ZMYM1: variants seen among roughly 807,000 people sequenced by gnomAD.
The protein encoded by ZMYM1 is zinc finger MYM-type containing 1, also known as zinc finger MYM-type protein 1.
Under a neutral mutation model 60.0 loss-of-function variants are expected in ZMYM1, and 39 were observed. The observed-to-expected ratio is 0.65, with a 90% CI of 0.50 to 0.85. The LOEUF (loss-of-function observed/expected upper bound fraction) is 0.85, where lower values mean the gene tolerates loss of function less well. Among genes scored for constraint, ZMYM1 ranks in the 40% least tolerant of loss-of-function variants. The pLI is 0.00. For missense variants in ZMYM1, 1,171 were observed against 1,309.5 expected, an observed-to-expected ratio of 0.89 and a Z score of 1.63; for synonymous variants, 413 against 454.0, an observed-to-expected ratio of 0.91 and a Z score of 1.15.
At chr1:35,091,874 C>A (rs1219272369) in intron 1 of ZMYM1, among the ~76,000 whole-genome samples, 3 of 114,924 alleles carry the variant, frequency 2.6e-5, no homozygotes, top group African/African-American at 1.0e-4. Context: ...AGTGACAGAG[C>A]GAGATCTTGT....
chr1:35,105,881 A>G (rs926104017), intron 6 of ZMYM1, among the ~76,000 whole-genome samples: 1 of 152,192 alleles, frequency 6.6e-6, no homozygotes, highest in African/African-American at 2.4e-5. Flanking sequence ...TGCTGGGATT[A>G]CAGATGTGAG....
At chr1:35,090,745 G>A (rs1278383601) in intron 1 of ZMYM1, among the ~76,000 whole-genome samples, 2 of 152,020 alleles carry the variant, frequency 1.3e-5, no homozygotes, top group African/African-American at 4.8e-5. Flanking sequence ...TTGGGAGTTC[G>A]AGACCAGCCT....
chr1:35,075,520 G>A (rs1351854528), upstream of ZMYM1, among the ~76,000 whole-genome samples: 1 of 151,972 alleles, frequency 6.6e-6, no homozygotes, highest in Non-Finnish European at 1.5e-5. Flanking sequence ...TCCCCTCCAA[G>A]AGGATATGCC....
chr1:35,113,660 C>G lies in ZMYM1; in HGVS notation c.1830C>G (p.Asp610Glu), dbSNP rs781078718. Residue 610 changes from aspartate to glutamate, a missense_variant, in exon 10 of 10, where the codon GAC becomes GAG. By Grantham distance (45) the Asp-to-Glu change is conservative. Transcript: ENST00000359858. ...TTCGACTTATGAATTCACAAGTTGA[C>G]TTCTATAACAGTACACAAATTCAAA... is the stretch of plus-strand genomic sequence containing the variant. ...ETFRLMNSQV[D>E]FYNSTQIQSD... 1.2e-6 allele frequency: 2 copies of G among 1,613,010 alleles called. No individual in the cohort carries two copies. Among genetic ancestry groups the G allele is most frequent in the African/African-American group, 1.3e-5 (1 of 74,966 alleles).
intron 4 of ZMYM1, among the ~76,000 whole-genome samples, chr1:35,099,426 T>A (rs1643518440): frequency 6.6e-6 from 1 of 152,184 alleles, no homozygotes; most frequent in Non-Finnish European, 1.5e-5. Flanking sequence ...TGAAAAAGGC[T>A]GAAGCAGGAA....
intron 1 of ZMYM1, among the ~76,000 whole-genome samples, chr1:35,088,387 C>G (rs1642774441): frequency 6.8e-6 from 1 of 146,892 alleles, no homozygotes; most frequent in Non-Finnish European, 1.5e-5. Context: ...CGCTGCACTC[C>G]AGCATGGGCA....
At position 35,093,963 on chromosome 1, in the gene ZMYM1, G is replaced by T; in HGVS notation, c.-25G>T. The T allele has an allele frequency of 8.4e-6, 13 of 1,550,896 alleles. No individual in the cohort carries two copies. Among genetic ancestry groups the T allele is most frequent in the Non-Finnish European group, 9.6e-6 (11 of 1,140,802 alleles). Reference sequence around the variant, plus strand: ...AGAAACCCATTAGTTTGGAACTGGAGAATTCCTTTGCATCAGATACTAAAA... The same window carrying T: ...AGAAACCCATTAGTTTGGAACTGGATAATTCCTTTGCATCAGATACTAAAA... On this transcript the variant is annotated 5_prime_UTR_variant, in exon 2 of 10. Coordinates refer to ENST00000359858, the MANE Select transcript of ZMYM1 (RefSeq NM_024772.5).
In ZMYM1 at chr1:35,115,372, C is replaced by A; in HGVS notation, c.*113C>A. ...AACGATAAACAGTGAAGTCTCCTTCCCTCCTTTAGAACTCATTTTCTCTTC... is the reference window on the plus strand; with the variant it reads ...AACGATAAACAGTGAAGTCTCCTTCACTCCTTTAGAACTCATTTTCTCTTC... On this transcript the variant is annotated 3_prime_UTR_variant, in exon 10 of 10. Transcript: ENST00000359858. 1 of 1,246,974 alleles carries A rather than the reference C, an allele frequency of 8.0e-7. No homozygotes were observed. The highest frequency in any genetic ancestry group is 1.1e-6 in the Non-Finnish European group (1 of 929,602). 77.2% of individuals were successfully genotyped at this position (1,246,974 alleles called of 1,614,324 possible).
chr1:35,104,861 G>C (rs1569997131), intron 6 of ZMYM1, 92 bp downstream of exon 6: 1 of 1,013,198 alleles, frequency 9.9e-7, no homozygotes. Flanking sequence ...GGTACCCTTT[G>C]GAATAATGTC....
chr1:35,104,230 A>C (rs1643803223), intron 4 of ZMYM1, 65 bp from the exon 5 acceptor site: 13 of 1,366,804 alleles, frequency 9.5e-6, no homozygotes, highest in East Asian at 2.4e-5. Flanking sequence ...AGGTCATTTC[A>C]TTTATAAAGA....
downstream of ZMYM1, among the ~76,000 whole-genome samples, chr1:35,118,256 A>G (rs957392653): frequency 1.6e-4 from 24 of 151,880 alleles, no homozygotes; most frequent in African/African-American, 5.3e-4. Context: ...AAAAAAAAAA[A>G]AAAGAAAATA....
intron 6 of ZMYM1, among the ~76,000 whole-genome samples, chr1:35,105,679 C>T (rs187248070): frequency 1.3e-5 from 2 of 152,048 alleles, no homozygotes; most frequent in Non-Finnish European, 2.9e-5. Flanking sequence ...AATCATGGCT[C>T]ACTGTAGCCT....
intron 1 of ZMYM1, among the ~76,000 whole-genome samples, chr1:35,087,515 C>T (rs1405447058): frequency 6.6e-6 from 1 of 151,780 alleles, no homozygotes; most frequent in African/African-American, 2.4e-5. Context: ...CAACCTCTGC[C>T]TCCTGGGTGC....
chr1:35,084,279 A>G (rs1642543521), intron 1 of ZMYM1, among the ~76,000 whole-genome samples: 1 of 152,082 alleles, frequency 6.6e-6, no homozygotes. Flanking sequence ...GACAAGAACA[A>G]TATCTGAGTC....
At chr1:35,116,126 T>G (rs567341767), downstream of ZMYM1, among the ~76,000 whole-genome samples, 8 of 152,188 alleles carry the variant, frequency 5.3e-5, no homozygotes, top group East Asian at 1.5e-3. Context: ...TCCCAGCTAC[T>G]TGGGAGGCTG....
chr1:35,085,018 G>C (rs1642580740), intron 1 of ZMYM1, among the ~76,000 whole-genome samples: 3 of 151,974 alleles, frequency 2.0e-5, no homozygotes, highest in African/African-American at 7.2e-5. Context: ...ACTCTGTTAT[G>C]CCTGGATTTA....
chr1:35,066,512 T>C (rs191889201), intron 1 of ZMYM1, among the ~76,000 whole-genome samples: 1 of 152,298 alleles, frequency 6.6e-6, no homozygotes, highest in Non-Finnish European at 1.5e-5. Flanking sequence ...ATAAAAATTT[T>C]TAAATGGCAT....
At chr1:35,094,751 C>T (rs1380584299) in intron 2 of ZMYM1, among the ~76,000 whole-genome samples, 1 of 151,930 alleles carries the variant, frequency 6.6e-6, no homozygotes, top group South Asian at 2.1e-4. Context: ...TCAGAGGCTA[C>T]AACAGGAGGA....
At chr1:35,095,500 A>G (rs1408477971) in intron 2 of ZMYM1, among the ~76,000 whole-genome samples, 2 of 143,036 alleles carry the variant, frequency 1.4e-5, no homozygotes, top group African/African-American at 2.8e-5. Context: ...CAAAAAAAAA[A>G]GAAAAAAAAA....
Sources: allele counts gnomAD v4.1 joint callset (sites outside exome capture counted in the v4.1 genomes callset), GRCh38; gene constraint gnomAD v4.1.1; transcripts MANE v1.5; gene names NCBI Gene and HGNC (gene_info 2026-07-23, HGNC 2026-07-21).